The following FAM163B variants were observed in gnomAD, a reference collection of about 807,000 sequenced individuals.
The protein encoded by FAM163B is family with sequence similarity 163 member B.
In FAM163B, 4 loss-of-function variants were observed where a neutral mutation model predicts 7.6. The ratio of observed to expected loss-of-function variants is 0.52; its 90% CI spans 0.26 to 1.20. FAM163B has a LOEUF of 1.20. FAM163B is among the 50% of genes most tolerant of loss of function. FAM163B has a pLI of 0.14. For synonymous variants in FAM163B, 120 were observed against 111.6 expected, an observed-to-expected ratio of 1.07 and a Z score of -0.47; for missense variants, 250 against 243.0, an observed-to-expected ratio of 1.03 and a Z score of -0.19.
rs1355801611 is a variant in FAM163B, at chr9:133,600,718, G to A, written c.-24+8359C>T. The stretch of plus-strand genomic sequence containing the variant: ...CCCAGAATCTTAAAGCCACATTTTA[G>A]AGTCTTAAAAATCAGAACATGCAAC... On this transcript the variant is annotated intron_variant, in intron 1 of 2. Transcript: ENST00000673969. This position sits in a 1 kb window ranked among gnomAD's most constrained non-coding sequence, Gnocchi z 4.9. Among the ~76,000 whole-genome samples the A allele has an allele frequency of 4.8e-5, 3 of 63,120 alleles. No homozygotes were observed. The highest frequency in any genetic ancestry group is 1.6e-4 in the Admixed American group (1 of 6,110). 41.4% of individuals were successfully genotyped at this position (63,120 alleles called of 152,430 possible).
intron 1 of FAM163B, among the ~76,000 whole-genome samples, chr9:133,588,766 C>A (rs984275108): frequency 7.6e-5 from 3 of 39,536 alleles, no homozygotes; most frequent in African/African-American, 1.9e-4. Context: ...AGAGAGGGGA[C>A]CTTGCCCAGG....
At chr9:133,583,700 C>G (rs758014370) in intron 1 of FAM163B, among the ~76,000 whole-genome samples, 1 of 152,220 alleles carries the variant, frequency 6.6e-6, no homozygotes, top group African/African-American at 2.4e-5. Flanking sequence ...GCCCAGGTCT[C>G]CTCCAGCGGA....
chr9:133,578,691 C>T lies in FAM163B; in HGVS notation c.*331G>A. The T allele has an allele frequency of 3.2e-6, 1 of 316,910 alleles. No individual in the cohort carries two copies. Among genetic ancestry groups the T allele is most frequent in the Non-Finnish European group, 5.7e-6 (1 of 174,674 alleles). The allele number at this position is 316,910 out of a possible 1,614,324, so 19.6% of individuals were successfully genotyped here. On this transcript the variant is annotated 3_prime_UTR_variant, in exon 3 of 3. Transcript: ENST00000673969. Reference sequence around the variant, plus strand: ...GACACATGGAGACCTCCTGGGAAGGCCAGGTTGTTGGGTCTGAGACAGAAT... The same window carrying T: ...GACACATGGAGACCTCCTGGGAAGGTCAGGTTGTTGGGTCTGAGACAGAAT...
intron 1 of FAM163B, among the ~76,000 whole-genome samples, chr9:133,598,385 T>C (rs1831661569): frequency 6.7e-6 from 1 of 149,326 alleles, no homozygotes; most frequent in Admixed American, 6.7e-5. Context: ...AACACAGGAG[T>C]GTGAAACAAA....
At chr9:133,603,486 G>A (rs965822121) in intron 1 of FAM163B, among the ~76,000 whole-genome samples, 15 of 152,234 alleles carry the variant, frequency 9.9e-5, no homozygotes. Flanking sequence ...ATCCAGCTTG[G>A]AAAGCTAAAA....
intron 1 of FAM163B, among the ~76,000 whole-genome samples, chr9:133,591,317 C>T (rs781224508): frequency 3.9e-5 from 6 of 152,232 alleles, no homozygotes; most frequent in South Asian, 2.1e-4. Context: ...GGTGCTGTTC[C>T]GGATGGGGGA....
rs1315639884 is a variant in FAM163B at position 133,600,099 on chromosome 9, CTGAA to C, written c.-24+8974_-24+8977del. ...TGTGTGTCTGTGTGCATGTGTGCCT[CTGAA>C]TGTGTGTGGTCTATGTGTATGTGTG... On this transcript the variant is annotated intron_variant, in intron 1 of 2. Transcript: ENST00000673969. This position sits in a 1 kb window ranked among gnomAD's most constrained non-coding sequence, Gnocchi z 4.9. Among the ~76,000 whole-genome samples, 1 of 144,576 alleles carries C rather than the reference CTGAA, an allele frequency of 6.9e-6. No individual in the cohort carries two copies. Among genetic ancestry groups the C allele is most frequent in the Non-Finnish European group, 1.5e-5 (1 of 66,544 alleles). 94.8% of individuals were successfully genotyped at this position (144,576 alleles called of 152,430 possible).
intron 1 of FAM163B, among the ~76,000 whole-genome samples, chr9:133,588,580 G>GA (rs1831476972): frequency 1.9e-5 from 1 of 53,916 alleles, no homozygotes; most frequent in Non-Finnish European, 4.2e-5. Flanking sequence ...TTAGCATGCT[G>GA]AGGGATCTAG....
chr9:133,591,803 C>T (rs1234830671), intron 1 of FAM163B, among the ~76,000 whole-genome samples: 1 of 152,130 alleles, frequency 6.6e-6, no homozygotes, highest in African/African-American at 2.4e-5. Context: ...TCCTTGGGAC[C>T]AACCTGACCC....
In FAM163B at chr9:133,578,868, G is replaced by C; in HGVS notation, c.*154C>G. 1 of 1,367,208 alleles carries C rather than the reference G, an allele frequency of 7.3e-7. No individual in the cohort carries two copies. The highest frequency in any genetic ancestry group is 1.6e-5 in the South Asian group (1 of 62,138). 84.7% of individuals were successfully genotyped at this position (1,367,208 alleles called of 1,614,324 possible). On this transcript the variant is annotated 3_prime_UTR_variant, in exon 3 of 3. Transcript: ENST00000673969. ...TGAGCCTTATCCCTGCCACGAGCCT[G>C]GGGGCTCCCCAAGCCTGGGCCTCCC...
chr9:133,588,129 T>A (rs1831469446), intron 1 of FAM163B, among the ~76,000 whole-genome samples: 1 of 152,120 alleles, frequency 6.6e-6, no homozygotes. Flanking sequence ...GGGAAGCCAG[T>A]AGCACTCCCT....
intron 1 of FAM163B, among the ~76,000 whole-genome samples, chr9:133,582,241 G>A (rs1043799965): frequency 6.6e-6 from 1 of 152,164 alleles, no homozygotes. Flanking sequence ...CGTGCCTACT[G>A]GTCCCAGCCT....
rs901628151 is a variant in FAM163B, at chr9:133,601,836, G to A, written c.-24+7241C>T. ...GAAGGCTTGACTAAAGCTGGGACCT[G>A]GCACTGGCCAGGAGGTCCTTCAGGC... On this transcript the variant is annotated intron_variant, in intron 1 of 2. Coordinates refer to ENST00000673969, the MANE Select transcript of FAM163B (RefSeq NM_001080515.3). The surrounding 1 kb of genome is among the most constrained non-coding windows in gnomAD (Gnocchi z 4.1). Among the ~76,000 whole-genome samples, 2 of 152,244 alleles carry A rather than the reference G, an allele frequency of 1.3e-5. No homozygotes were observed. Among genetic ancestry groups the A allele is most frequent in the Non-Finnish European group, 2.9e-5 (2 of 68,048 alleles).
chr9:133,591,533 G>A (rs1029035928), intron 1 of FAM163B, among the ~76,000 whole-genome samples: 1 of 152,160 alleles, frequency 6.6e-6, no homozygotes, highest in Non-Finnish European at 1.5e-5. Flanking sequence ...AGTCCTCCCT[G>A]GTGCCCCCAT....
At chr9:133,605,283 G>A (rs1831776216) in intron 1 of FAM163B, among the ~76,000 whole-genome samples, 1 of 152,230 alleles carries the variant, frequency 6.6e-6, no homozygotes, top group Admixed American at 6.5e-5. Flanking sequence ...CAGAGAGGCT[G>A]AGTAACCTCA....
chr9:133,579,686 C>T (rs1247026021), intron 2 of FAM163B, among the ~76,000 whole-genome samples: 1 of 152,226 alleles, frequency 6.6e-6, no homozygotes, highest in African/African-American at 2.4e-5. Context: ...CTCCATTTTG[C>T]AGGTGGGGAG....
At chr9:133,595,631 G>C (rs1376231928) in intron 1 of FAM163B, among the ~76,000 whole-genome samples, 1 of 152,064 alleles carries the variant, frequency 6.6e-6, no homozygotes, top group Non-Finnish European at 1.5e-5. Context: ...CCCAGGGTCA[G>C]GCCTCAGGTT....
At chr9:133,583,905 A>G (rs1831393813) in intron 1 of FAM163B, among the ~76,000 whole-genome samples, 1 of 151,818 alleles carries the variant, frequency 6.6e-6, no homozygotes, top group South Asian at 2.1e-4. Context: ...ACAGACACAC[A>G]CTCCGCTGGC....
At chr9:133,590,735 A>G (rs1831540450) in intron 1 of FAM163B, among the ~76,000 whole-genome samples, 1 of 152,174 alleles carries the variant, frequency 6.6e-6, no homozygotes, top group African/African-American at 2.4e-5. Flanking sequence ...AAGGCACCCC[A>G]GACCCCAGCC....
Sources: allele counts gnomAD v4.1 joint callset (sites outside exome capture counted in the v4.1 genomes callset), GRCh38; gene constraint gnomAD v4.1.1; non-coding constraint Gnocchi (gnomAD v3.1); transcripts MANE v1.5; gene names NCBI Gene and HGNC (gene_info 2026-07-23, HGNC 2026-07-21).